MAGI2: variants seen among roughly 807,000 people sequenced by gnomAD.
MAGI2 encodes membrane associated guanylate kinase, WW and PDZ domain containing 2.
A neutral mutation model predicts 133.3 loss-of-function variants in MAGI2; 35 were observed. That is an observed-to-expected ratio of 0.26 (90% confidence interval 0.20 to 0.35). The LOEUF (loss-of-function observed/expected upper bound fraction) is 0.35. Ranked by LOEUF, MAGI2 falls within the 10% of genes least tolerant of loss-of-function variation. MAGI2 has a pLI of 1.00. For missense variants in MAGI2, 1,636 were observed against 1,863.4 expected (o/e 0.88, Z 2.25); for synonymous variants, 729 against 710.6 (o/e 1.03, Z -0.41).
intron 1 of MAGI2, among the ~76,000 whole-genome samples, chr7:79,024,804 A>C (rs1554335456): frequency 6.6e-6 from 1 of 151,788 alleles, no homozygotes; most frequent in Non-Finnish European, 1.5e-5. Context: ...ACAATGAGAT[A>C]CCATCTCTCA....
At chr7:79,139,791 G>C (rs1456426365) in intron 1 of MAGI2, 1 of 152,074 alleles carries the variant, frequency 6.6e-6, no homozygotes, top group Non-Finnish European at 1.5e-5. Flanking sequence ...TTAAACAAAT[G>C]AACCAAAAAA....
chr7:79,076,856 T>C (rs1815508826), intron 1 of MAGI2, among the ~76,000 whole-genome samples: 2 of 152,238 alleles, frequency 1.3e-5, no homozygotes, highest in African/African-American at 4.8e-5. Flanking sequence ...ACCAGGCATC[T>C]ACTTCTTCCA....
intron 1 of MAGI2, among the ~76,000 whole-genome samples, chr7:79,324,485 C>T (rs1445689229): frequency 7.4e-3 from 84 of 11,384 alleles, no homozygotes; most frequent in Non-Finnish European, 0.011. Context: ...TGTATATATA[C>T]ATATATATAC....
chr7:79,443,954 C>T, intron 1 of MAGI2, among the ~76,000 whole-genome samples: 1 of 152,138 alleles, frequency 6.6e-6, no homozygotes, highest in East Asian at 1.9e-4. Context: ...ATGTGTTTCA[C>T]TATAAGGCAG....
chr7:78,893,757 A>G (rs1414237826), intron 2 of MAGI2, among the ~76,000 whole-genome samples: 3 of 152,162 alleles, frequency 2.0e-5, no homozygotes, highest in Non-Finnish European at 4.4e-5. Flanking sequence ...GGATAGCATT[A>G]GGAGATATAC....
At position 78,630,375 on chromosome 7, in the gene MAGI2, C is replaced by T. The variant is rs141238265; in HGVS notation, c.419-3136G>A. 1.3e-3 allele frequency among the ~76,000 whole-genome samples: 202 copies of T among 150,884 alleles called. 2 individuals are homozygous for T. Among genetic ancestry groups the T allele is most frequent in the African/African-American group, 4.8e-3 (196 of 41,104 alleles). The stretch of plus-strand genomic sequence containing the variant: ...ATTATTAATTCTATGTAAATCTATT[C>T]CCAGCTGAAATGTGGTGTACTGACT... On this transcript the variant is annotated intron_variant, in intron 2 of 21. Coordinates refer to ENST00000354212, the MANE Select transcript of MAGI2 (RefSeq NM_012301.4).
At chr7:78,691,837 T>A (rs1329578837) in intron 2 of MAGI2, among the ~76,000 whole-genome samples, 1 of 152,150 alleles carries the variant, frequency 6.6e-6, no homozygotes, top group African/African-American at 2.4e-5. Context: ...ATACATGTCA[T>A]TATACATTTG....
intron 1 of MAGI2, among the ~76,000 whole-genome samples, chr7:79,380,131 G>C (rs1843677326): frequency 6.6e-6 from 1 of 151,766 alleles, no homozygotes; most frequent in African/African-American, 2.4e-5. Flanking sequence ...GGCAACAAAA[G>C]CCAGAATTGA....
intron 2 of MAGI2, among the ~76,000 whole-genome samples, chr7:78,787,106 C>A (rs1563505676): frequency 6.6e-6 from 1 of 152,042 alleles, no homozygotes; most frequent in Non-Finnish European, 1.5e-5. Context: ...CACCACCAGG[C>A]CCAGCTAATT....
intron 1 of MAGI2, among the ~76,000 whole-genome samples, chr7:79,385,619 A>C (rs868579589): frequency 2.0e-5 from 3 of 152,010 alleles, no homozygotes; most frequent in Middle Eastern, 6.8e-3. Flanking sequence ...AAGTGAGATC[A>C]TGCCGTATTT....
intron 2 of MAGI2, among the ~76,000 whole-genome samples, chr7:78,904,847 G>T (rs144551972): frequency 2.6e-5 from 4 of 152,122 alleles, no homozygotes; most frequent in Non-Finnish European, 5.9e-5. Context: ...GTTTACAAAA[G>T]TTTTAGGAGA....
rs371591490 is a variant in MAGI2, at chr7:79,340,094, T to C, written c.301+112926A>G. Among the ~76,000 whole-genome samples, 10 of 152,240 alleles carry C rather than the reference T, an allele frequency of 6.6e-5. No homozygotes were observed. The East Asian group carries it at 1.7e-3, about 26-fold the overall frequency. Reference sequence around the variant, plus strand: ...TTTTAACATTTTCCCCCTCAAATTATATTTTCAAATATTTGTTCTGTTCTA... The same window carrying C: ...TTTTAACATTTTCCCCCTCAAATTACATTTTCAAATATTTGTTCTGTTCTA... On this transcript the variant is annotated intron_variant, in intron 1 of 21. Transcript: ENST00000354212.
intron 2 of MAGI2, among the ~76,000 whole-genome samples, chr7:78,683,265 T>C (rs573329927): frequency 3.3e-5 from 5 of 152,230 alleles, no homozygotes; most frequent in South Asian, 4.1e-4. Flanking sequence ...TTAGAGGCTA[T>C]TGCGATAGTG....
chr7:78,813,497 C>G (rs1327628807), intron 2 of MAGI2, among the ~76,000 whole-genome samples: 1 of 152,094 alleles, frequency 6.6e-6, no homozygotes, highest in African/African-American at 2.4e-5. Context: ...GCAAAACTAT[C>G]AGCAGGGGCC....
intron 3 of MAGI2, among the ~76,000 whole-genome samples, chr7:78,531,703 C>G (rs905414277): frequency 6.6e-6 from 1 of 152,158 alleles, no homozygotes; most frequent in African/African-American, 2.4e-5. Flanking sequence ...GAAAACTGAG[C>G]CTTTCAAGGA....
At chr7:79,006,469 C>A (rs529664199) in intron 2 of MAGI2, among the ~76,000 whole-genome samples, 1 of 152,228 alleles carries the variant, frequency 6.6e-6, no homozygotes, top group African/African-American at 2.4e-5. Flanking sequence ...CTGTAACAGA[C>A]ACTAAAAATT....
intron 9 of MAGI2, among the ~76,000 whole-genome samples, chr7:78,297,992 A>AAAAC (rs1797454141): frequency 6.6e-6 from 1 of 151,710 alleles, no homozygotes; most frequent in South Asian, 2.1e-4. Context: ...TAATTAAAAA[A>AAAAC]AAAGAATTGT....
rs59712945 is a variant in MAGI2 at position 78,948,301 on chromosome 7, CT to C, written c.418+58788del. 5.1e-3 allele frequency among the ~76,000 whole-genome samples: 759 copies of C among 149,554 alleles called. 8 individuals carry two copies. Among genetic ancestry groups the C allele is most frequent in the African/African-American group, 0.015 (634 of 40,956 alleles). On this transcript the variant is annotated intron_variant, in intron 2 of 21. Coordinates refer to ENST00000354212, the MANE Select transcript of MAGI2 (RefSeq NM_012301.4). Reference sequence around the variant, plus strand: ...TATTTTAATGCAACTTTTATTTCTACTTTTTTTTTTCTTTTCCTCAAAGAAA... The same window carrying C: ...TATTTTAATGCAACTTTTATTTCTACTTTTTTTTTCTTTTCCTCAAAGAAA...
intron 1 of MAGI2, among the ~76,000 whole-genome samples, chr7:79,311,252 G>C (rs572924093): frequency 6.6e-6 from 1 of 152,066 alleles, no homozygotes; most frequent in Non-Finnish European, 1.5e-5. Flanking sequence ...AGGTGTGTCC[G>C]ATCTTTTGGC....
Sources: allele counts gnomAD v4.1 joint callset (sites outside exome capture counted in the v4.1 genomes callset), GRCh38; gene constraint gnomAD v4.1.1; transcripts MANE v1.5; gene names NCBI Gene and HGNC (gene_info 2026-07-23, HGNC 2026-07-21).